Variants in INPP5A observed in about 807,000 individuals in gnomAD.
INPP5A encodes the protein inositol polyphosphate-5-phosphatase A.
INPP5A carries 14 observed loss-of-function variants against 65.2 expected under a neutral mutation model. The ratio of observed to expected loss-of-function variants is 0.21; its 90% CI spans 0.14 to 0.34. The LOEUF is 0.34. Among genes scored for constraint, INPP5A ranks in the 10% least tolerant of loss-of-function variants. The pLI is 1.00. For missense variants in INPP5A, 431 were observed against 545.6 expected, an observed-to-expected ratio of 0.79 and a Z score of 2.09; for synonymous variants, 207 against 208.3, an observed-to-expected ratio of 0.99 and a Z score of 0.05.
intron 9 of INPP5A, among the ~76,000 whole-genome samples, chr10:132,747,979 G>C (rs913024342): frequency 1.3e-5 from 2 of 152,170 alleles, no homozygotes; most frequent in Admixed American, 1.3e-4. Context: ...GAGCCCAGGA[G>C]GTCAAGGTTA....
intron 12 of INPP5A, among the ~76,000 whole-genome samples, chr10:132,775,219 A>AGGGACAGGGAGGAGAG (rs1847042546): frequency 1.3e-4 from 1 of 7,498 alleles, no homozygotes; most frequent in Admixed American, 1.8e-3. Flanking sequence ...GGGCAGGGGG[A>AGGGACAGGGAGGAGAG]GGGGCAGGGG....
intron 2 of INPP5A, among the ~76,000 whole-genome samples, chr10:132,626,975 T>C (rs1450889670): frequency 6.6e-6 from 1 of 152,184 alleles, no homozygotes; most frequent in Non-Finnish European, 1.5e-5. Flanking sequence ...TAGGTTGTGC[T>C]CTGACCCCAG....
intron 2 of INPP5A, among the ~76,000 whole-genome samples, chr10:132,630,614 CATCCAT>C (rs2072254879): frequency 2.8e-5 from 4 of 144,182 alleles, no homozygotes; most frequent in East Asian, 4.1e-4. Context: ...GAGGGGAAGA[CATCCAT>C]GAGGGGAAGA....
chr10:132,757,342 G>C (rs145650829), intron 11 of INPP5A, among the ~76,000 whole-genome samples: 1 of 152,340 alleles, frequency 6.6e-6, no homozygotes, highest in South Asian at 2.1e-4. Flanking sequence ...GCGGGGCTCC[G>C]CAGAGGTGCA....
At chr10:132,719,931 C>T (rs1422945507) in intron 8 of INPP5A, among the ~76,000 whole-genome samples, 4 of 144,356 alleles carry the variant, frequency 2.8e-5, no homozygotes, top group Non-Finnish European at 4.5e-5. Flanking sequence ...GCACCTTAGA[C>T]GGCTGTCTTC....
rs369180485 is a variant in INPP5A at position 132,772,875 on chromosome 10, G to A, written c.978-4796G>A. Among the ~76,000 whole-genome samples the A allele has an allele frequency of 8.5e-3, 573 of 67,688 alleles. 1 individual carries two copies. The highest frequency in any genetic ancestry group is 0.052 in the Middle Eastern group (3 of 58). 44.4% of individuals were successfully genotyped at this position (67,688 alleles called of 152,430 possible). On this transcript the variant is annotated intron_variant, in intron 12 of 15. Transcript: ENST00000368594. ...TGGGACGGACACTCAGCACTGACAC[G>A]GAGGCCACGGCAGCCGCCCCACGAA...
At chr10:132,766,876 G>GAAGCCAGA in intron 12 of INPP5A, among the ~76,000 whole-genome samples, 1 of 151,408 alleles carries the variant, frequency 6.6e-6, no homozygotes, top group East Asian at 2.0e-4. Flanking sequence ...GAGCCTGGGT[G>GAAGCCAGA]GGAGCTGGAG....
At chr10:132,598,678 T>C (rs994023789) in intron 1 of INPP5A, among the ~76,000 whole-genome samples, 2 of 152,238 alleles carry the variant, frequency 1.3e-5, no homozygotes, top group Non-Finnish European at 2.9e-5. Context: ...TACCGATATC[T>C]GTTTAAGTTC....
At chr10:132,740,261 T>G (rs1294892009) in intron 9 of INPP5A, among the ~76,000 whole-genome samples, 1 of 152,232 alleles carries the variant, frequency 6.6e-6, no homozygotes, top group African/African-American at 2.4e-5. Flanking sequence ...GAACTTTGCG[T>G]GCTGGTTTGT....
At chr10:132,544,171 G>A (rs973571966) in intron 1 of INPP5A, among the ~76,000 whole-genome samples, 9 of 152,208 alleles carry the variant, frequency 5.9e-5, no homozygotes, top group East Asian at 1.9e-4. Context: ...TCATCTAGAC[G>A]CACAGCCATA....
intron 4 of INPP5A, among the ~76,000 whole-genome samples, chr10:132,656,980 G>A (rs1266265879): frequency 3.9e-5 from 6 of 152,188 alleles, no homozygotes; most frequent in Admixed American, 1.3e-4. Context: ...CCTGGGGTCC[G>A]ATGACCTAGT....
chr10:132,752,434 G>C (rs1590984566), intron 11 of INPP5A, among the ~76,000 whole-genome samples: 1 of 138,652 alleles, frequency 7.2e-6, no homozygotes, highest in Non-Finnish European at 1.6e-5. Context: ...AGGGGCGTGT[G>C]ATGTGGAGGG....
chr10:132,598,535 T>C (rs1392592212), intron 1 of INPP5A, among the ~76,000 whole-genome samples: 1 of 152,260 alleles, frequency 6.6e-6, no homozygotes, highest in Non-Finnish European at 1.5e-5. Context: ...CTTAGCATAA[T>C]GTTCTCAAGG....
Position 132,560,344 on chromosome 10 carries a change from C to T in INPP5A, c.75+22173C>T, listed in dbSNP as rs143974119. On this transcript the variant is annotated intron_variant, in intron 1 of 15. Transcript: ENST00000368594. ...TCTGACTTTTTAAGGAACTGCCAGA[C>T]TCTTTCCACAGCAGCTGCAGCATTT... 4.9e-3 allele frequency among the ~76,000 whole-genome samples: 753 copies of T among 152,312 alleles called. 4 individuals are homozygous for T. Among genetic ancestry groups the T allele is most frequent in the Non-Finnish European group, 8.4e-3 (570 of 68,032 alleles).
rs761229110 is a variant in INPP5A at position 132,674,929 on chromosome 10, A to G, written c.307-15463A>G. Among the ~76,000 whole-genome samples, 2 of 152,178 alleles carry G rather than the reference A, an allele frequency of 1.3e-5. No homozygotes were observed. Among genetic ancestry groups the G allele is most frequent in the African/African-American group, 4.8e-5 (2 of 41,422 alleles). On this transcript the variant is annotated intron_variant, in intron 4 of 15. Coordinates refer to ENST00000368594, the MANE Select transcript of INPP5A (RefSeq NM_005539.5). This position sits in a 1 kb window ranked among gnomAD's most constrained non-coding sequence, Gnocchi z 4.4. The stretch of plus-strand genomic sequence containing the variant: ...CTATGGGGACCTGCCAAAGGCTCCA[A>G]ACAGCATCCTTATCTGCCACTGACA...
At position 132,551,133 on chromosome 10, in the gene INPP5A, T is replaced by C. The variant is rs1019290162; in HGVS notation, c.75+12962T>C. ...CCAGAGTGCGAGCCTGGTGGGCAGCTGTGGAGCCTTATCCCTGAGCACCCT... is the reference window on the plus strand; with the variant it reads ...CCAGAGTGCGAGCCTGGTGGGCAGCCGTGGAGCCTTATCCCTGAGCACCCT... On this transcript the variant is annotated intron_variant, in intron 1 of 15. Coordinates refer to ENST00000368594, the MANE Select transcript of INPP5A (RefSeq NM_005539.5). This position sits in a 1 kb window ranked among gnomAD's most constrained non-coding sequence, Gnocchi z 5.3. Among the ~76,000 whole-genome samples the C allele has an allele frequency of 6.6e-6, 1 of 152,226 alleles. No individual in the cohort carries two copies.
chr10:132,617,685 G>A (rs1453657996), intron 2 of INPP5A, among the ~76,000 whole-genome samples: 1 of 152,248 alleles, frequency 6.6e-6, no homozygotes, highest in Non-Finnish European at 1.5e-5. Context: ...GCACCTGACT[G>A]CGTCTGGCAC....
At position 132,538,497 on chromosome 10, in the gene INPP5A, T is replaced by C. The variant is rs1364270110; in HGVS notation, c.75+326T>C. Among the ~76,000 whole-genome samples, 1 of 151,922 alleles carries C rather than the reference T, an allele frequency of 6.6e-6. No homozygotes were observed. The highest frequency in any genetic ancestry group is 2.4e-5 in the African/African-American group (1 of 41,336). ...GCAAATCCTGACCTCGAAACTCCAA[T>C]ATTAAAACCCTGTCAGAACCCCTGT... On this transcript the variant is annotated intron_variant, in intron 1 of 15. Transcript: ENST00000368594. This position sits in a 1 kb window ranked among gnomAD's most constrained non-coding sequence, Gnocchi z 4.1.
At chr10:132,763,507 C>T (rs1209459056) in intron 11 of INPP5A, among the ~76,000 whole-genome samples, 1 of 152,258 alleles carries the variant, frequency 6.6e-6, no homozygotes. Flanking sequence ...ACACACATGC[C>T]TGCATACACA....
Sources: allele counts gnomAD v4.1 joint callset (sites outside exome capture counted in the v4.1 genomes callset), GRCh38; gene constraint gnomAD v4.1.1; non-coding constraint Gnocchi (gnomAD v3.1); transcripts MANE v1.5; gene names NCBI Gene and HGNC (gene_info 2026-07-23, HGNC 2026-07-21).